The following FNDC3A variants were observed in gnomAD, a reference collection of about 807,000 sequenced individuals.
FNDC3A encodes fibronectin type III domain containing 3A, also known as fibronectin type-III domain-containing protein 3A.
Under a neutral mutation model 148.9 loss-of-function variants are expected in FNDC3A, and 32 were observed. That is an observed-to-expected ratio of 0.21 (90% CI 0.16 to 0.29). The LOEUF is 0.29. Among genes scored for constraint, FNDC3A ranks in the 10% least tolerant of loss-of-function variants. FNDC3A has a pLI of 1.00. For missense variants in FNDC3A, 1,191 were observed against 1,452.8 expected, an observed-to-expected ratio of 0.82 and a Z score of 2.93; for synonymous variants, 472 against 473.6, an observed-to-expected ratio of 1.00 and a Z score of 0.04.
intron 2 of FNDC3A, among the ~76,000 whole-genome samples, chr13:49,035,008 A>G (rs1415208799): frequency 1.3e-5 from 2 of 152,078 alleles, no homozygotes; most frequent in African/African-American, 2.4e-5. Flanking sequence ...GTTAAAAAAC[A>G]TGCAAACCCA....
Position 49,136,517 on chromosome 13 carries a change from A to G in FNDC3A, c.676A>G (p.Ile226Val), listed in dbSNP as rs749055400. 7 of 1,613,990 alleles carry G rather than the reference A, an allele frequency of 4.3e-6. No homozygotes were observed. In the Admixed American group the frequency reaches 1.2e-4, roughly 27 times the overall value. Reference protein sequence around the residue: ...NEHNGLIKGQIAGGINTGSAK... With the variant: ...NEHNGLIKGQVAGGINTGSAK... ...ACATAATGGACTTATAAAAGGACAA[A>G]TTGCTGGTGGTATAAACACAGGATC... The change falls in exon 6 of 26, where the codon ATT becomes GTT. Residue 226 changes from isoleucine to valine, a missense_variant. Ile to Val is a conservative substitution (Grantham distance 29). Coordinates refer to ENST00000492622, the MANE Select transcript of FNDC3A (RefSeq NM_001079673.2).
chr13:49,106,929 A>T (rs997059717), intron 3 of FNDC3A, among the ~76,000 whole-genome samples: 14 of 152,216 alleles, frequency 9.2e-5, no homozygotes, highest in African/African-American at 3.4e-4. Flanking sequence ...CCTAGAAATC[A>T]TAATATTGTT....
At chr13:48,980,189 G>T (rs1003406051) in intron 1 of FNDC3A, among the ~76,000 whole-genome samples, 1 of 152,162 alleles carries the variant, frequency 6.6e-6, no homozygotes, top group Non-Finnish European at 1.5e-5. Flanking sequence ...TTTGAGTCAG[G>T]CCTTACTACA....
intron 2 of FNDC3A, 127 bp from the exon 3 acceptor site, chr13:49,075,162 A>G: frequency 2.0e-6 from 1 of 502,532 alleles, no homozygotes; most frequent in Non-Finnish European, 3.6e-6. Flanking sequence ...AGCATCTTAA[A>G]TGTGTAATCC....
chr13:49,010,481 A>C (rs1156911240), intron 2 of FNDC3A, among the ~76,000 whole-genome samples: 1 of 152,222 alleles, frequency 6.6e-6, no homozygotes, highest in Non-Finnish European at 1.5e-5. Context: ...AATACAGAAA[A>C]TAAGAAAATA....
intron 7 of FNDC3A, among the ~76,000 whole-genome samples, chr13:49,145,206 C>T (rs1011141403): frequency 6.6e-6 from 1 of 152,152 alleles, no homozygotes; most frequent in Non-Finnish European, 1.5e-5. Flanking sequence ...AAGGATTGAA[C>T]TTACATATAC....
chr13:49,102,979 G>A (rs887737626), intron 3 of FNDC3A, among the ~76,000 whole-genome samples: 2 of 152,100 alleles, frequency 1.3e-5, no homozygotes, highest in Admixed American at 6.5e-5. Flanking sequence ...TGATTTTCAG[G>A]TAGGCTTGTC....
intron 3 of FNDC3A, among the ~76,000 whole-genome samples, chr13:49,082,944 G>A (rs1423290227): frequency 6.6e-6 from 1 of 152,098 alleles, no homozygotes; most frequent in African/African-American, 2.4e-5. Context: ...CCATCTGTGT[G>A]GAGGGGTAGC....
intron 2 of FNDC3A, among the ~76,000 whole-genome samples, chr13:49,022,621 G>A (rs1025125455): frequency 7.9e-5 from 12 of 152,034 alleles, no homozygotes; most frequent in African/African-American, 2.2e-4. Context: ...CAATAATTTT[G>A]TGCCTCAGAA....
intron 1 of FNDC3A, among the ~76,000 whole-genome samples, chr13:48,986,997 A>C (rs1237862954): frequency 6.6e-6 from 1 of 152,248 alleles, no homozygotes. Context: ...TTTAGTTACC[A>C]ATGTATTACT....
intron 1 of FNDC3A, among the ~76,000 whole-genome samples, chr13:48,980,755 G>A (rs1951680165): frequency 6.6e-6 from 1 of 152,132 alleles, no homozygotes; most frequent in Non-Finnish European, 1.5e-5. Flanking sequence ...TCACGCTGTG[G>A]CTGCACAAAT....
intron 4 of FNDC3A, among the ~76,000 whole-genome samples, chr13:49,116,735 G>A (rs982857884): frequency 2.7e-5 from 4 of 150,176 alleles, no homozygotes; most frequent in African/African-American, 4.9e-5. Flanking sequence ...GCAGTGAGCC[G>A]AGATCGCACC....
At chr13:49,167,349 GT>G (rs369146421) in intron 9 of FNDC3A, 46 bp downstream of exon 9, 1,995 of 956,644 alleles carry the variant, frequency 2.1e-3, no homozygotes, top group South Asian at 3.0e-3. Flanking sequence ...AGCATAAGGG[GT>G]TTTTTTTTTA....
At chr13:49,178,047 T>C (rs1305541430) in intron 13 of FNDC3A, among the ~76,000 whole-genome samples, 1 of 152,194 alleles carries the variant, frequency 6.6e-6, no homozygotes, top group Non-Finnish European at 1.5e-5. Flanking sequence ...CAAAAAATGA[T>C]AACGTTCGGA....
chr13:49,039,985 A>T (rs933914902), intron 2 of FNDC3A, among the ~76,000 whole-genome samples: 19 of 152,218 alleles, frequency 1.2e-4, no homozygotes, highest in Non-Finnish European at 2.4e-4. Flanking sequence ...AAGTACTGGG[A>T]TTACAGGCGT....
intron 1 of FNDC3A, among the ~76,000 whole-genome samples, chr13:48,993,938 G>T (rs950843189): frequency 1.3e-5 from 2 of 152,266 alleles, no homozygotes; most frequent in East Asian, 3.9e-4. Context: ...CAGCAATTAT[G>T]AATAAAGATA....
chr13:49,144,251 A>C (rs1882866818), intron 7 of FNDC3A, among the ~76,000 whole-genome samples: 1 of 152,148 alleles, frequency 6.6e-6, no homozygotes, highest in Non-Finnish European at 1.5e-5. Flanking sequence ...ATACTGGATC[A>C]TACAAAGAAT....
intron 2 of FNDC3A, among the ~76,000 whole-genome samples, chr13:49,010,906 A>C (rs893775776): frequency 2.0e-5 from 3 of 152,196 alleles, no homozygotes; most frequent in South Asian, 4.1e-4. Context: ...TGGTTTAACT[A>C]TTCTTTTGTG....
chr13:49,203,778 G>T (rs1029146079), intron 25 of FNDC3A, among the ~76,000 whole-genome samples: 1 of 152,164 alleles, frequency 6.6e-6, no homozygotes, highest in Admixed American at 6.5e-5. Flanking sequence ...GATACGCTGA[G>T]GCAGGAACAT....
Sources: allele counts gnomAD v4.1 joint callset (sites outside exome capture counted in the v4.1 genomes callset), GRCh38; gene constraint gnomAD v4.1.1; transcripts MANE v1.5; gene names NCBI Gene and HGNC (gene_info 2026-07-23, HGNC 2026-07-21).